The following NEK11 variants were observed in gnomAD, a reference collection of about 807,000 sequenced individuals.
NEK11 encodes serine/threonine-protein kinase Nek11.
In NEK11, 72 loss-of-function variants were observed where a neutral mutation model predicts 80.7. The observed-to-expected ratio is 0.89, with a 90% CI of 0.74 to 1.08. The LOEUF (loss-of-function observed/expected upper bound fraction) is 1.08. Among genes scored for constraint, NEK11 ranks in the 50% least tolerant of loss-of-function variants. The pLI, the probability that NEK11 is intolerant of heterozygous loss-of-function variation, is 0.00. For synonymous variants in NEK11, 251 were observed against 260.7 expected (o/e 0.96, Z 0.36); for missense variants, 764 against 763.6 (o/e 1.00, Z -0.01).
chr3:131,212,535 G>A (rs2094669429), intron 14 of NEK11, among the ~76,000 whole-genome samples: 2 of 152,162 alleles, frequency 1.3e-5, no homozygotes, highest in Admixed American at 1.3e-4. Context: ...AGTTGGAAAT[G>A]CAGAATCACC....
chr3:131,331,667 C>T lies in NEK11; in HGVS notation c.1719-17890C>T, dbSNP rs558774527. 3.9e-5 allele frequency among the ~76,000 whole-genome samples: 6 copies of T among 152,338 alleles called. No individual in the cohort carries two copies. The East Asian group carries it at 9.7e-4, about 25-fold the overall frequency. On this transcript the variant is annotated intron_variant, in intron 17 of 17. Transcript: ENST00000383366. Reference sequence around the variant, plus strand: ...CGAAGCAGGGCGAGCAAGGCATTGCCTCACTCGGGAAGCGCAAGGGGTCAG... The same window carrying T: ...CGAAGCAGGGCGAGCAAGGCATTGCTTCACTCGGGAAGCGCAAGGGGTCAG...
At chr3:131,302,537 C>T (rs1487144424) in intron 17 of NEK11, among the ~76,000 whole-genome samples, 2 of 152,146 alleles carry the variant, frequency 1.3e-5, no homozygotes, top group Non-Finnish European at 2.9e-5. Context: ...CCCAGAGATT[C>T]TGGTATGTTT....
At chr3:131,206,894 C>A (rs1466974797) in intron 14 of NEK11, among the ~76,000 whole-genome samples, 2 of 152,130 alleles carry the variant, frequency 1.3e-5, no homozygotes, top group African/African-American at 4.8e-5. Flanking sequence ...TCAATTCCCA[C>A]CTATGAGTGA....
chr3:131,269,068 G>A (rs555511412), intron 16 of NEK11, among the ~76,000 whole-genome samples: 1 of 152,210 alleles, frequency 6.6e-6, no homozygotes, highest in South Asian at 2.1e-4. Context: ...TTTACACTAT[G>A]AGGGGAAAAC....
At chr3:131,313,410 T>C (rs539012752) in intron 17 of NEK11, among the ~76,000 whole-genome samples, 4 of 152,190 alleles carry the variant, frequency 2.6e-5, no homozygotes, top group Non-Finnish European at 5.9e-5. Context: ...CTTTCCACAA[T>C]GGTTAAACTA....
chr3:131,221,501 G>A (rs1042277660), intron 14 of NEK11, among the ~76,000 whole-genome samples: 4 of 152,152 alleles, frequency 2.6e-5, no homozygotes, highest in African/African-American at 9.7e-5. Context: ...ATTCTGGGAA[G>A]CCTGTCACAT....
intron 3 of NEK11, among the ~76,000 whole-genome samples, chr3:131,044,031 G>A (rs1319998771): frequency 6.6e-6 from 1 of 152,108 alleles, no homozygotes; most frequent in Non-Finnish European, 1.5e-5. Context: ...AAAAATGAAG[G>A]AGAAATGAAA....
intron 3 of NEK11, among the ~76,000 whole-genome samples, chr3:131,038,455 TA>T (rs2065970875): frequency 6.6e-6 from 1 of 152,238 alleles, no homozygotes; most frequent in Non-Finnish European, 1.5e-5. Flanking sequence ...TGTGTTAGCA[TA>T]AAAGAATCCG....
rs1201184600 is a variant in NEK11, at chr3:131,350,041, G to A, written c.*265G>A. On this transcript the variant is annotated 3_prime_UTR_variant, in exon 18 of 18. Coordinates refer to ENST00000383366, the MANE Select transcript of NEK11 (RefSeq NM_024800.5). ...CCCTTGAAAAGCATTTCTCTCATGTGCGCCCTCAGGGCTTCCAGCAGGATT... is the reference window on the plus strand; with the variant it reads ...CCCTTGAAAAGCATTTCTCTCATGTACGCCCTCAGGGCTTCCAGCAGGATT... 2 of 399,142 alleles carry A rather than the reference G, an allele frequency of 5.0e-6. No homozygotes were observed. The highest frequency in any genetic ancestry group is 2.7e-5 in the South Asian group (1 of 36,476). 24.7% of individuals were successfully genotyped at this position (399,142 alleles called of 1,614,324 possible).
At chr3:131,053,447 A>G (rs557205387) in intron 3 of NEK11, 1 of 152,394 alleles carries the variant, frequency 6.6e-6, no homozygotes, top group African/African-American at 2.4e-5. Flanking sequence ...TTCACAGACC[A>G]TTGTAACTGG....
chr3:131,147,896 T>C (rs895047994), intron 7 of NEK11, among the ~76,000 whole-genome samples: 6 of 152,048 alleles, frequency 3.9e-5, no homozygotes, highest in African/African-American at 1.2e-4. Flanking sequence ...CAATGTTGAA[T>C]AGAAGTGATG....
chr3:131,198,073 A>T (rs1004838135), intron 14 of NEK11, among the ~76,000 whole-genome samples: 1 of 152,174 alleles, frequency 6.6e-6, no homozygotes, highest in Non-Finnish European at 1.5e-5. Context: ...AGGTAAGCAT[A>T]CTTAGAGTCT....
intron 14 of NEK11, among the ~76,000 whole-genome samples, chr3:131,209,684 G>A (rs1053403455): frequency 6.6e-6 from 1 of 152,170 alleles, no homozygotes; most frequent in Non-Finnish European, 1.5e-5. Context: ...TCTATTCAGG[G>A]ATTCAACTTC....
chr3:131,263,737 G>A (rs1006986933), intron 16 of NEK11, among the ~76,000 whole-genome samples: 1 of 152,100 alleles, frequency 6.6e-6, no homozygotes, highest in East Asian at 1.9e-4. Flanking sequence ...CCTAGTAATG[G>A]GGTCACTGGG....
At chr3:131,175,634 T>G (rs1358637300) in intron 14 of NEK11, among the ~76,000 whole-genome samples, 8 of 152,098 alleles carry the variant, frequency 5.3e-5, no homozygotes, top group Admixed American at 5.2e-4. Context: ...CATGGAAACC[T>G]TTTTTTGTGA....
chr3:131,266,823 TAA>T lies in NEK11; in HGVS notation c.1622-6654_1622-6653del, dbSNP rs2096068286. Among the ~76,000 whole-genome samples, 10 of 152,330 alleles carry T rather than the reference TAA, an allele frequency of 6.6e-5. No homozygotes were observed. The South Asian group carries it at 2.1e-3, about 32-fold the overall frequency. On this transcript the variant is annotated intron_variant, in intron 16 of 17. Coordinates refer to ENST00000383366, the MANE Select transcript of NEK11 (RefSeq NM_024800.5). The stretch of plus-strand genomic sequence containing the variant: ...CTCTCACTATTATTGTGTGTGAGTC[TAA>T]GTCTCTTTGTAGGTCTCTGAGGGCT...
chr3:131,175,839 G>C (rs2092979036), intron 14 of NEK11, among the ~76,000 whole-genome samples: 1 of 152,150 alleles, frequency 6.6e-6, no homozygotes. Context: ...CTGTCTATGT[G>C]TTAGCTAATG....
At chr3:131,251,349 A>G (rs2095699390) in intron 16 of NEK11, among the ~76,000 whole-genome samples, 1 of 152,044 alleles carries the variant, frequency 6.6e-6, no homozygotes, top group South Asian at 2.1e-4. Context: ...ATTAGAAGTC[A>G]ATTTTTAAAA....
At chr3:131,031,020 G>A (rs185816164) in intron 3 of NEK11, among the ~76,000 whole-genome samples, 1 of 152,212 alleles carries the variant, frequency 6.6e-6, no homozygotes, top group African/African-American at 2.4e-5. Flanking sequence ...AGGTTTTAAG[G>A]CTACTCTAAG....
Sources: allele counts gnomAD v4.1 joint callset (sites outside exome capture counted in the v4.1 genomes callset), GRCh38; gene constraint gnomAD v4.1.1; transcripts MANE v1.5; gene names NCBI Gene and HGNC (gene_info 2026-07-23, HGNC 2026-07-21).